Variants in URGCP observed in about 807,000 individuals in gnomAD.
The protein encoded by URGCP is upregulator of cell proliferation.
A neutral mutation model predicts 24.6 loss-of-function variants in URGCP; 13 were observed. That is an observed-to-expected ratio of 0.53 (90% confidence interval 0.34 to 0.84). URGCP has a LOEUF of 0.84. URGCP is among the 40% of genes least tolerant of loss of function. The pLI is 0.01. For missense variants in URGCP, 899 were observed against 1,194.3 expected (o/e 0.75, Z 3.64); for synonymous variants, 444 against 487.2 (o/e 0.91, Z 1.17).
At chr7:43,922,096 G>C (rs560444017) in intron 1 of URGCP, among the ~76,000 whole-genome samples, 2 of 151,918 alleles carry the variant, frequency 1.3e-5, no homozygotes, top group Non-Finnish European at 2.9e-5. Flanking sequence ...AGTGGGTCTC[G>C]CACTGTCACC....
intron 3 of URGCP, among the ~76,000 whole-genome samples, chr7:43,882,869 A>T (rs2095856084): frequency 6.6e-6 from 1 of 152,250 alleles, no homozygotes; most frequent in Admixed American, 6.5e-5. Flanking sequence ...TTTAGAAACT[A>T]TTTAAAATGT....
intron 1 of URGCP, chr7:43,918,947 G>A: frequency 1.5e-6 from 2 of 1,370,402 alleles, no homozygotes; most frequent in Admixed American, 3.4e-5. Context: ...CCTGTGCCAA[G>A]CTCTACAACC....
chr7:43,880,896 A>G (rs920296887), intron 5 of URGCP, among the ~76,000 whole-genome samples: 3 of 152,348 alleles, frequency 2.0e-5, no homozygotes, highest in East Asian at 3.9e-4. Context: ...GTTTCCCAAG[A>G]AGGTCAAGTG....
At chr7:43,918,191 T>C (rs568504501) in intron 1 of URGCP, among the ~76,000 whole-genome samples, 2 of 150,476 alleles carry the variant, frequency 1.3e-5, no homozygotes, top group Non-Finnish European at 2.9e-5. Flanking sequence ...GGAGAATCAC[T>C]TGAACCCAAA....
chr7:43,917,788 T>C lies in URGCP; in HGVS notation c.-116+8344A>G, dbSNP rs370656387. Among the ~76,000 whole-genome samples the C allele has an allele frequency of 1.1e-4, 16 of 152,162 alleles. No individual in the cohort carries two copies. In the South Asian group the frequency reaches 2.7e-3, roughly 26 times the overall value. ...GGCTCATGCCTATATTCCAGCAACA[T>C]AGTGAGACCCTGTCTCTATAAAAAA... On this transcript the variant is annotated intron_variant, in intron 1 of 5. Transcript: ENST00000426198.
intron 1 of URGCP, among the ~76,000 whole-genome samples, chr7:43,914,008 T>C (rs2095912983): frequency 6.6e-6 from 1 of 151,752 alleles, no homozygotes; most frequent in African/African-American, 2.4e-5. Flanking sequence ...CTATTTTATT[T>C]GTTTTTTTAT....
At chr7:43,901,172 G>T (rs1358211942) in intron 1 of URGCP, among the ~76,000 whole-genome samples, 1 of 152,200 alleles carries the variant, frequency 6.6e-6, no homozygotes, top group Admixed American at 6.5e-5. Flanking sequence ...ACACTTGTTG[G>T]GGGTGGGCAG....
chr7:43,897,229 A>C (rs551474413), intron 1 of URGCP, among the ~76,000 whole-genome samples: 2 of 152,160 alleles, frequency 1.3e-5, no homozygotes, highest in African/African-American at 2.4e-5. Context: ...TAAATAAATA[A>C]AAATTTAAAA....
At position 43,881,647 on chromosome 7, in the gene URGCP, G is replaced by A. The variant is rs2095854056; in HGVS notation, c.202+12C>T. 6.2e-7 allele frequency: 1 copy of A among 1,614,034 alleles called. No individual in the cohort carries two copies. The highest frequency in any genetic ancestry group is 1.7e-5 in the Admixed American group (1 of 60,000). On this transcript the variant is annotated intron_variant, in intron 5 of 5. Coordinates refer to ENST00000453200, the MANE Select transcript of URGCP (RefSeq NM_001077663.3). ...TCATAGAACAGAGAGAAAAGGCAGA[G>A]AAAATGCTTACCTGTTGGAAAATCA...
At chr7:43,909,378 A>G (rs2095907557), upstream of URGCP, among the ~76,000 whole-genome samples, 1 of 152,206 alleles carries the variant, frequency 6.6e-6, no homozygotes, top group African/African-American at 2.4e-5. Context: ...GTTTTCCAAA[A>G]CACTGTGTAA....
At chr7:43,893,841 A>G (rs1011604262) in intron 1 of URGCP, among the ~76,000 whole-genome samples, 6 of 152,244 alleles carry the variant, frequency 3.9e-5, no homozygotes, top group Admixed American at 3.9e-4. Context: ...ACTGCACTCC[A>G]GCCTGGGTGA....
rs199776991 is a variant in URGCP at position 43,877,467 on chromosome 7, T to C, written c.1996A>G (p.Ser666Gly). The change falls in exon 6 of 6, where the codon AGC becomes GGC. Residue 666 changes from serine to glycine, a missense_variant. Physicochemically the swap from Ser to Gly is moderately conservative, Grantham distance 56. Transcript: ENST00000453200. ...CAGCGGACGGGCATGCTCAGCGTGC[T>C]CCCATCGATTAGCTCCAGAGGCAGC... ...TGLPLELIDG[S>G]TLSMPVRWVT... 57 of 1,613,530 alleles carry C rather than the reference T, an allele frequency of 3.5e-5. No homozygotes were observed. The highest frequency in any genetic ancestry group is 5.1e-6 in the Non-Finnish European group (6 of 1,180,026).
intron 3 of URGCP, among the ~76,000 whole-genome samples, chr7:43,883,347 T>TAA (rs1269113586): frequency 4.1e-5 from 4 of 97,906 alleles, no homozygotes; most frequent in East Asian, 2.2e-4. Context: ...CATATATATA[T>TAA]ATATATATAT....
upstream of URGCP, chr7:43,926,694 C>G: frequency 1.1e-6 from 1 of 914,406 alleles, no homozygotes; most frequent in Non-Finnish European, 1.5e-6. Context: ...GGCAGAACAG[C>G]CTCCCGCGCA....
intron 1 of URGCP, among the ~76,000 whole-genome samples, chr7:43,915,431 C>T (rs978948345): frequency 6.6e-6 from 1 of 152,250 alleles, no homozygotes; most frequent in Non-Finnish European, 1.5e-5. Flanking sequence ...CTTGGTCCAA[C>T]TCAGCCTTTT....
At position 43,877,547 on chromosome 7, in the gene URGCP, C is replaced by A. The variant is rs1401092535; in HGVS notation, c.1916G>T (p.Gly639Val). ...TGGGAAGTGGGCAAAACGCCTCTGG[C>A]CTGCCGGCAGCCTCCCTGCCTCCAC... Reference protein sequence around the residue: ...CLVEAGRLPAGQRRFAHFPGL... With the variant: ...CLVEAGRLPAVQRRFAHFPGL... Residue 639 changes from glycine (G) to valine (V), a missense_variant, in exon 6 of 6, where the codon GGC becomes GTC. Coordinates refer to ENST00000453200, the MANE Select transcript of URGCP (RefSeq NM_001077663.3). 1 of 1,613,792 alleles carries A rather than the reference C, an allele frequency of 6.2e-7. No homozygotes were observed. The highest frequency in any genetic ancestry group is 1.7e-5 in the Admixed American group (1 of 60,034).
At chr7:43,907,215 G>A (rs2095904972), upstream of URGCP, 1 of 152,146 alleles carries the variant, frequency 6.6e-6, no homozygotes, top group African/African-American at 2.4e-5. Context: ...CCTTAGGCAG[G>A]TAGATTTTTC....
chr7:43,898,592 C>T (rs899710390), intron 1 of URGCP, among the ~76,000 whole-genome samples: 1 of 151,860 alleles, frequency 6.6e-6, no homozygotes, highest in Non-Finnish European at 1.5e-5. Flanking sequence ...CACAGTGAAA[C>T]CCCACTCTAC....
chr7:43,887,666 T>C, intron 2 of URGCP, 124 bp downstream of exon 2: 1 of 1,486,874 alleles, frequency 6.7e-7, no homozygotes, highest in South Asian at 1.4e-5. Context: ...CTTTTAAAAG[T>C]GCCCTCAATG....
Sources: allele counts gnomAD v4.1 joint callset (sites outside exome capture counted in the v4.1 genomes callset), GRCh38; gene constraint gnomAD v4.1.1; transcripts MANE v1.5; gene names NCBI Gene and HGNC (gene_info 2026-07-23, HGNC 2026-07-21).